The following PLEK2 variants were observed in gnomAD, a reference collection of about 807,000 sequenced individuals.
PLEK2 encodes the protein pleckstrin-2.
Under a neutral mutation model 43.8 loss-of-function variants are expected in PLEK2, and 29 were observed. That is an observed-to-expected ratio of 0.66 (90% CI 0.49 to 0.90). The LOEUF is 0.90. Among genes scored for constraint, PLEK2 ranks in the 40% least tolerant of loss-of-function variants. The pLI, the probability that PLEK2 is intolerant of heterozygous loss-of-function variation, is 0.00. For synonymous variants in PLEK2, 162 were observed against 173.2 expected (o/e 0.94, Z 0.51); for missense variants, 398 against 448.1 (o/e 0.89, Z 1.01).
chr14:67,394,934 C>A (rs2085995763), intron 3 of PLEK2, among the ~76,000 whole-genome samples: 1 of 152,220 alleles, frequency 6.6e-6, no homozygotes, highest in African/African-American at 2.4e-5. Context: ...TGCCTCAGGA[C>A]TCTGCAGAGA....
rs541540358 is a variant in PLEK2 at position 67,399,357 on chromosome 14, G to A, written c.43-1531C>T. Among the ~76,000 whole-genome samples, 7 of 150,844 alleles carry A rather than the reference G, an allele frequency of 4.6e-5. No individual in the cohort carries two copies. In the South Asian group the frequency reaches 8.6e-4, roughly 18 times the overall value. ...AGGAATAAAGAGAAGGGTAGTTTAG[G>A]TGGTTCTCAGGTGGCAGGAATAAAG... On this transcript the variant is annotated intron_variant, in intron 1 of 8. Transcript: ENST00000216446.
intron 1 of PLEK2, 172 bp from the exon 2 acceptor site, chr14:67,397,998 G>C (rs2086022917): frequency 2.2e-6 from 1 of 450,514 alleles, no homozygotes; most frequent in Non-Finnish European, 3.9e-6. Flanking sequence ...AAAGACCTTT[G>C]GCACTGACCT....
intron 1 of PLEK2, among the ~76,000 whole-genome samples, chr14:67,406,235 G>A (rs926663835): frequency 2.0e-5 from 3 of 148,240 alleles, no homozygotes; most frequent in Non-Finnish European, 2.9e-5. Flanking sequence ...CTCCAGCCTC[G>A]GTGAAAGAGC....
intron 2 of PLEK2, among the ~76,000 whole-genome samples, chr14:67,396,825 T>C (rs1317662817): frequency 6.6e-6 from 1 of 152,276 alleles, no homozygotes; most frequent in African/African-American, 2.4e-5. Context: ...CCACTTGCTT[T>C]CCCAATAAAA....
At position 67,388,225 on chromosome 14, in the gene PLEK2, A is replaced by G. The variant is rs2085940745; in HGVS notation, c.933T>C (p.Thr311=). 6.2e-7 allele frequency: 1 copy of G among 1,608,402 alleles called. No homozygotes were observed. The change falls in exon 8 of 9, where the codon ACT becomes ACC. Residue 311 remains threonine (T), a splice_region_variant and synonymous_variant. Coordinates refer to ENST00000216446, the MANE Select transcript of PLEK2 (RefSeq NM_016445.3). ...VSALEDNGVP[T]GVKGNVQGNL... ...GCCAGGGCTGAAGTTGTACCTTACCAGTGGGAACGCCATTATCTTCCAGAG... is the reference window on the plus strand; with the variant it reads ...GCCAGGGCTGAAGTTGTACCTTACCGGTGGGAACGCCATTATCTTCCAGAG...
intron 1 of PLEK2, among the ~76,000 whole-genome samples, chr14:67,400,519 G>C (rs535063120): frequency 1.3e-5 from 2 of 152,132 alleles, no homozygotes; most frequent in Non-Finnish European, 2.9e-5. Flanking sequence ...ACCACCCCCC[G>C]CCCCAACTGC....
intron 2 of PLEK2, among the ~76,000 whole-genome samples, chr14:67,395,941 C>G (rs776703752): frequency 6.6e-6 from 1 of 152,256 alleles, no homozygotes; most frequent in Non-Finnish European, 1.5e-5. Flanking sequence ...CCCATCTGAA[C>G]ACAAACCCCA....
rs772696807 is a variant in PLEK2, at chr14:67,395,421, G to A, written c.370C>T (p.Pro124Ser). 2.5e-6 allele frequency: 4 copies of A among 1,613,782 alleles called. No homozygotes were observed. Among genetic ancestry groups the A allele is most frequent in the East Asian group, 4.5e-5 (2 of 44,880 alleles). The part of the protein sequence containing the change: ...LHSLRNSFKL[P>S]PHISLHRIVD... ...ACTCACTGCAGGCTGATGTGCGGGG[G>A]CAGCTTGAAGGAGTTTCTCAGGCTG... Residue 124 changes from proline to serine, a missense_variant, in exon 3 of 9, where the codon CCC becomes TCC. Physicochemically the swap from Pro to Ser is moderately conservative, Grantham distance 74. Coordinates refer to ENST00000216446, the MANE Select transcript of PLEK2 (RefSeq NM_016445.3).
At chr14:67,388,407 T>C in intron 7 of PLEK2, 105 bp from the exon 8 acceptor site, 2 of 737,080 alleles carry the variant, frequency 2.7e-6, no homozygotes, top group Non-Finnish European at 5.0e-6. Context: ...TGCAAATCAT[T>C]TGTAATAGAA....
rs147957415 is a variant in PLEK2, at chr14:67,403,875, G to C, written c.43-6049C>G. The stretch of plus-strand genomic sequence containing the variant: ...AAGACCAGTCTGGGCGCTATAGTGA[G>C]AAGTCATTTCTACAAAAAAATAAAA... On this transcript the variant is annotated intron_variant, in intron 1 of 8. Transcript: ENST00000216446. Among the ~76,000 whole-genome samples, 410 of 152,240 alleles carry C rather than the reference G, an allele frequency of 2.7e-3. 3 individuals are homozygous for C. Among genetic ancestry groups the C allele is most frequent in the Admixed American group, 4.3e-3 (66 of 15,286 alleles).
Position 67,387,147 on chromosome 14 carries a change from G to C in PLEK2, c.*182C>G. ...TCTAGCCTTTCCAGGTTTGTAACAT[G>C]AAGATGGGGAAGGAAATGGCACCAC... is the stretch of plus-strand genomic sequence containing the variant. On this transcript the variant is annotated 3_prime_UTR_variant, in exon 9 of 9. Transcript: ENST00000216446. The C allele has an allele frequency of 3.8e-6, 2 of 525,460 alleles. No individual in the cohort carries two copies. The highest frequency in any genetic ancestry group is 6.5e-6 in the Non-Finnish European group (2 of 308,506). 32.5% of individuals were successfully genotyped at this position (525,460 alleles called of 1,614,324 possible).
intron 1 of PLEK2, among the ~76,000 whole-genome samples, chr14:67,411,566 AGCAGG>A (rs2086115291): frequency 6.6e-6 from 1 of 152,170 alleles, no homozygotes; most frequent in Admixed American, 6.5e-5. Flanking sequence ...CCTTGATGAA[AGCAGG>A]GCTGCTGGGA....
rs538839474 is a variant in PLEK2, at chr14:67,390,410, C to G, written c.855+253G>C. Among the ~76,000 whole-genome samples, 19 of 152,272 alleles carry G rather than the reference C, an allele frequency of 1.2e-4. No individual in the cohort carries two copies. The East Asian group carries it at 3.5e-3, about 28-fold the overall frequency. On this transcript the variant is annotated intron_variant, in intron 7 of 8. Transcript: ENST00000216446. ...GGGAAGACCAAAAGATGCTTTTCCT[C>G]TGAAAATGATAAAGATGCCCTCCCA...
At chr14:67,399,519 G>A (rs2086033102) in intron 1 of PLEK2, among the ~76,000 whole-genome samples, 1 of 146,114 alleles carries the variant, frequency 6.8e-6, no homozygotes, top group Non-Finnish European at 1.5e-5. Context: ...GGTCGTTTAG[G>A]TGGTTCTCAG....
At position 67,393,154 on chromosome 14, in the gene PLEK2, G is replaced by A. The variant is rs1404029615; in HGVS notation, c.477C>T (p.Phe159=). 2.5e-6 allele frequency: 4 copies of A among 1,609,902 alleles called. No homozygotes were observed. The African/African-American group carries it at 4.0e-5, about 16-fold the overall frequency. Residue 159 remains phenylalanine (F), a synonymous_variant, in exon 4 of 9, where the codon TTC becomes TTT. Coordinates refer to ENST00000216446, the MANE Select transcript of PLEK2 (RefSeq NM_016445.3). ...MEQGSTYKKT[F]LGSSLVDWLI... ...GGCCCTGGGGGACAGGCTCACCGAG[G>A]AAGGTCTTTTTATAGGTGCTTCCCT...
intron 3 of PLEK2, 127 bp downstream of exon 3, chr14:67,395,275 T>C (rs1248930086): frequency 5.3e-6 from 4 of 761,392 alleles, no homozygotes; most frequent in Non-Finnish European, 6.4e-6. Flanking sequence ...CTGAAGGCCC[T>C]GAAGCACCGT....
chr14:67,412,125 C>G lies in PLEK2; in HGVS notation c.-66G>C. On this transcript the variant is annotated 5_prime_UTR_variant, in exon 1 of 9. Coordinates refer to ENST00000216446, the MANE Select transcript of PLEK2 (RefSeq NM_016445.3). ...CCCGCGCCTCGCGCTCCTCGGCACC[C>G]GCGCAGCCCGCGCAGTCCGCGCCCA... 1 of 1,331,844 alleles carries G rather than the reference C, an allele frequency of 7.5e-7. No individual in the cohort carries two copies. Among genetic ancestry groups the G allele is most frequent in the Non-Finnish European group, 9.8e-7 (1 of 1,021,788 alleles). The allele number at this position is 1,331,844 out of a possible 1,614,324, so 82.5% of individuals were successfully genotyped here.
At chr14:67,395,779 C>T (rs1186243210) in intron 2 of PLEK2, among the ~76,000 whole-genome samples, 196 bp from the exon 3 acceptor site, 4 of 152,214 alleles carry the variant, frequency 2.6e-5, no homozygotes, top group Non-Finnish European at 5.9e-5. Flanking sequence ...CCTCACACTG[C>T]AGCCTTTCCC....
At chr14:67,404,431 T>A (rs1225020677) in intron 1 of PLEK2, among the ~76,000 whole-genome samples, 1 of 152,172 alleles carries the variant, frequency 6.6e-6, no homozygotes, top group East Asian at 1.9e-4. Flanking sequence ...AAGTCCAGCC[T>A]GGGCAACATA....
Sources: allele counts gnomAD v4.1 joint callset (sites outside exome capture counted in the v4.1 genomes callset), GRCh38; gene constraint gnomAD v4.1.1; transcripts MANE v1.5; gene names NCBI Gene and HGNC (gene_info 2026-07-23, HGNC 2026-07-21).